ESRRG: variants seen among roughly 807,000 people sequenced by gnomAD.
ESRRG encodes estrogen related receptor gamma.
A neutral mutation model predicts 44.0 loss-of-function variants in ESRRG; 13 were observed. The ratio of observed to expected loss-of-function variants is 0.30; its 90% CI spans 0.19 to 0.47. The LOEUF (loss-of-function observed/expected upper bound fraction) is 0.47. Ranked by LOEUF, ESRRG falls within the 20% of genes least tolerant of loss-of-function variation. The pLI is 1.00. For synonymous variants in ESRRG, 215 were observed against 214.6 expected, an observed-to-expected ratio of 1.00 and a Z score of -0.02; for missense variants, 395 against 580.6, an observed-to-expected ratio of 0.68 and a Z score of 3.29.
chr1:216,959,769 T>C (rs2068671690), intron 1 of ESRRG: 1 of 152,102 alleles, frequency 6.6e-6, no homozygotes, highest in African/African-American at 2.4e-5. Flanking sequence ...ATAGACTTCA[T>C]AGAACAAAGT....
chr1:216,868,041 A>C (rs962128959), intron 2 of ESRRG, among the ~76,000 whole-genome samples: 1 of 147,688 alleles, frequency 6.8e-6, no homozygotes, highest in Non-Finnish European at 1.5e-5. Flanking sequence ...TCTCTCACTC[A>C]GCATGAAGAT....
chr1:216,603,832 A>G (rs549234494), intron 3 of ESRRG, among the ~76,000 whole-genome samples: 1 of 151,822 alleles, frequency 6.6e-6, no homozygotes, highest in South Asian at 2.1e-4. Flanking sequence ...GCGGGATGAG[A>G]TGAGACATGA....
chr1:216,675,149 T>A (rs1432289967), intron 2 of ESRRG, among the ~76,000 whole-genome samples: 1 of 151,634 alleles, frequency 6.6e-6, no homozygotes, highest in Non-Finnish European at 1.5e-5. Flanking sequence ...TCACGTGAGG[T>A]CGGGAGTTCG....
At chr1:216,852,729 A>G (rs2095860671) in intron 2 of ESRRG, among the ~76,000 whole-genome samples, 1 of 152,184 alleles carries the variant, frequency 6.6e-6, no homozygotes, top group Non-Finnish European at 1.5e-5. Context: ...TTTCAGATTA[A>G]GGTATTGAAG....
At chr1:216,906,027 A>T (rs2059648671) in intron 2 of ESRRG, among the ~76,000 whole-genome samples, 2 of 152,246 alleles carry the variant, frequency 1.3e-5, no homozygotes, top group Non-Finnish European at 1.5e-5. Flanking sequence ...CTGGGATTAC[A>T]GGCATGAGCC....
intron 1 of ESRRG, among the ~76,000 whole-genome samples, chr1:216,697,197 C>G (rs1032936770): frequency 6.6e-6 from 1 of 152,094 alleles, no homozygotes; most frequent in Non-Finnish European, 1.5e-5. Flanking sequence ...AACTCCTGAC[C>G]TCAAGTGATC....
chr1:216,714,696 T>A, intron 1 of ESRRG: 1 of 273,366 alleles, frequency 3.7e-6, no homozygotes. Flanking sequence ...ATTATTTGTC[T>A]TATTCTTCAG....
intron 1 of ESRRG, among the ~76,000 whole-genome samples, chr1:217,040,263 G>C (rs2083607049): frequency 6.6e-6 from 1 of 152,114 alleles, no homozygotes. Context: ...GAAGAAAAAA[G>C]TCACTAGGCT....
intron 2 of ESRRG, among the ~76,000 whole-genome samples, chr1:216,895,712 T>C (rs1220936904): frequency 2.0e-5 from 3 of 152,102 alleles, no homozygotes; most frequent in African/African-American, 7.2e-5. Flanking sequence ...CTGACCTGAA[T>C]GAAAATGTGA....
chr1:217,109,837 G>A lies in ESRRG; in HGVS notation c.-230+27830C>T, dbSNP rs1253030868. ...AGCAAAAAACCCTAAGAGGCTAGGG[G>A]CAAAATGGCCACAGTTCATATTTAG... On this transcript the variant is annotated intron_variant, in intron 1 of 8. Transcript: ENST00000366940. Among the ~76,000 whole-genome samples the A allele has an allele frequency of 2.0e-5, 3 of 152,158 alleles. No individual in the cohort carries two copies. The East Asian group carries it at 5.8e-4, about 29-fold the overall frequency.
chr1:216,614,689 A>T (rs1196499192), intron 3 of ESRRG, among the ~76,000 whole-genome samples: 1 of 152,230 alleles, frequency 6.6e-6, no homozygotes, highest in African/African-American at 2.4e-5. Context: ...TGTTGAGAAG[A>T]GTCTTGAAAG....
At chr1:217,060,091 C>A (rs72741488) in intron 1 of ESRRG, among the ~76,000 whole-genome samples, 17,518 of 151,574 alleles carry the variant, frequency 0.12, 1,189 homozygotes, top group Non-Finnish European at 0.14. Context: ...TTGTCCTGGC[C>A]GGCATACAAT....
chr1:216,603,537 G>A (rs1015447446), intron 3 of ESRRG, among the ~76,000 whole-genome samples: 20 of 152,142 alleles, frequency 1.3e-4, no homozygotes, highest in Non-Finnish European at 1.9e-4. Context: ...AGTTTAAGTC[G>A]GAGACATAAG....
At chr1:216,606,671 C>T (rs540749080) in intron 3 of ESRRG, among the ~76,000 whole-genome samples, 3 of 152,102 alleles carry the variant, frequency 2.0e-5, no homozygotes, top group African/African-American at 4.8e-5. Flanking sequence ...ATTAATATAA[C>T]ATGAGAGGAA....
chr1:216,731,520 A>G (rs112317470), intron 2 of ESRRG, among the ~76,000 whole-genome samples: 2,270 of 152,358 alleles, frequency 0.015, 35 homozygotes, highest in Non-Finnish European at 0.021. Flanking sequence ...AGAACATATC[A>G]CATTCTAGAG....
rs757093305 is a variant in ESRRG, at chr1:216,719,702, C to G, written c.56+3542G>C. ...TAGGGAAAAAAACAGAACAATGATA[C>G]CTTATTTGGGGAAAACACTAGAAAA... On this transcript the variant is annotated intron_variant, in intron 1 of 6. Coordinates refer to ENST00000408911, the MANE Select transcript of ESRRG (RefSeq NM_001438.4). Among the ~76,000 whole-genome samples, 6 of 151,780 alleles carry G rather than the reference C, an allele frequency of 4.0e-5. No homozygotes were observed. The East Asian group carries it at 9.6e-4, about 24-fold the overall frequency.
intron 5 of ESRRG, among the ~76,000 whole-genome samples, chr1:216,523,888 A>G (rs1012016743): frequency 5.9e-5 from 9 of 151,842 alleles, no homozygotes; most frequent in Non-Finnish European, 1.3e-4. Flanking sequence ...CTAGCATATC[A>G]TGCTAGAACT....
intron 5 of ESRRG, among the ~76,000 whole-genome samples, chr1:216,551,680 C>CT (rs1433987376): frequency 1.3e-5 from 2 of 152,234 alleles, no homozygotes; most frequent in East Asian, 3.9e-4. Flanking sequence ...ATGTTATGTA[C>CT]TGATCTGCCA....
chr1:216,750,275 T>C (rs530436873), intron 2 of ESRRG, among the ~76,000 whole-genome samples: 18 of 152,260 alleles, frequency 1.2e-4, no homozygotes, highest in Admixed American at 3.9e-4. Context: ...ATCACTCTTC[T>C]ACTTGTGGCT....
Sources: gnomAD v4.1 joint callset for allele counts (sites outside exome capture counted in the v4.1 genomes callset) on GRCh38, gnomAD v4.1.1 for gene constraint, MANE v1.5 for transcripts, NCBI Gene and HGNC (gene_info 2026-07-23, HGNC 2026-07-21) for gene names.